The following MAST3 variants were observed in gnomAD, a reference collection of about 807,000 sequenced individuals.
MAST3 encodes the protein microtubule-associated serine/threonine-protein kinase 3.
A neutral mutation model predicts 127.0 loss-of-function variants in MAST3; 43 were observed. That is an observed-to-expected ratio of 0.34 (90% CI 0.27 to 0.44). The LOEUF (loss-of-function observed/expected upper bound fraction) is 0.44, where lower values mean the gene tolerates loss of function less well. MAST3 is among the 20% of genes least tolerant of loss of function. The probability of loss-of-function intolerance (pLI) is 1.00; values close to 1 mark genes in which losing one functional copy is unlikely to be tolerated. For synonymous variants in MAST3, 785 were observed against 809.2 expected (o/e 0.97, Z 0.51); for missense variants, 1,390 against 1,919.1 (o/e 0.72, Z 5.15).
chr19:18,149,372 G>A lies in MAST3; in HGVS notation c.3690G>A (p.Pro1230=), dbSNP rs930967327. 24 of 1,437,768 alleles carry A rather than the reference G, an allele frequency of 1.7e-5. No homozygotes were observed. The highest frequency in any genetic ancestry group is 2.4e-4 in the Middle Eastern group (1 of 4,128). 89.1% of individuals were successfully genotyped at this position (1,437,768 alleles called of 1,614,324 possible). A position where few individuals can be genotyped will look rare whatever the true frequency, so the allele number is the denominator to read the frequency against. ...TCCCGCCCTCCCCGCTGGCCTGCCCGCCCATCTCCGCGCCCCCACCCCGCT... is the reference window on the plus strand; with the variant it reads ...TCCCGCCCTCCCCGCTGGCCTGCCCACCCATCTCCGCGCCCCCACCCCGCT... The part of the protein sequence containing the change: ...SSIPPSPLAC[P]PISAPPPRSP... Residue 1230 remains proline, a synonymous_variant, in exon 28 of 28, where the codon CCG becomes CCA. Transcript: ENST00000687212. The surrounding 1 kb of genome is among the most constrained non-coding windows in gnomAD (Gnocchi z 5.9).
chr19:18,133,395 T>A (rs1186637769), intron 15 of MAST3, among the ~76,000 whole-genome samples: 2 of 152,100 alleles, frequency 1.3e-5, no homozygotes, highest in African/African-American at 2.4e-5. Context: ...TTATTTATTT[T>A]TTGAGACAGG....
intron 2 of MAST3, among the ~76,000 whole-genome samples, chr19:18,108,434 T>C (rs570948306): frequency 6.6e-6 from 1 of 151,798 alleles, no homozygotes; most frequent in East Asian, 1.9e-4. Context: ...AGTGCAGTAG[T>C]GTCATCTTGG....
At chr19:18,130,221 A>G (rs1227734646) in intron 13 of MAST3, among the ~76,000 whole-genome samples, 1 of 152,192 alleles carries the variant, frequency 6.6e-6, no homozygotes, top group Non-Finnish European at 1.5e-5. Context: ...ATCTCAAAAA[A>G]CATAAGATAA....
At chr19:18,136,809 T>TTTG (rs35705741) in intron 18 of MAST3, among the ~76,000 whole-genome samples, 4,757 of 151,292 alleles carry the variant, frequency 0.031, 87 homozygotes, top group African/African-American at 0.046. Flanking sequence ...TTTCTGGTTC[T>TTTG]TTGTTGTTGT....
At chr19:18,100,648 AAAGG>A (rs1481857319) in intron 1 of MAST3, among the ~76,000 whole-genome samples, 1 of 152,226 alleles carries the variant, frequency 6.6e-6, no homozygotes, top group Non-Finnish European at 1.5e-5. Context: ...TCCACTTTTC[AAAGG>A]AAGAAACTGA....
At chr19:18,137,714 C>T (rs999995396) in intron 19 of MAST3, among the ~76,000 whole-genome samples, 2 of 152,092 alleles carry the variant, frequency 1.3e-5, no homozygotes, top group East Asian at 1.9e-4. Flanking sequence ...GAGGGTAGGG[C>T]GCCTAGTGCA....
Position 18,150,067 on chromosome 19 carries a change from A to T in MAST3, c.*341A>T. On this transcript the variant is annotated 3_prime_UTR_variant, in exon 28 of 28. Transcript: ENST00000687212. Reference sequence around the variant, plus strand: ...AGCGGCGTGATCTCAGCTCACTGCAACCTCCGCCTCCCAAGTTCAAGCGAT... The same window carrying T: ...AGCGGCGTGATCTCAGCTCACTGCATCCTCCGCCTCCCAAGTTCAAGCGAT... 4.2e-6 allele frequency: 1 copy of T among 236,868 alleles called. No individual in the cohort carries two copies. Among genetic ancestry groups the T allele is most frequent in the South Asian group, 5.0e-5 (1 of 20,116 alleles). The allele number at this position is 236,868 out of a possible 1,614,324, so 14.7% of individuals were successfully genotyped here. A position where few individuals can be genotyped will look rare whatever the true frequency, so the allele number is the denominator to read the frequency against.
In MAST3 at chr19:18,114,312, C is replaced by G. The variant is rs544250044; in HGVS notation, c.161+3571C>G. 1.3e-3 allele frequency among the ~76,000 whole-genome samples: 205 copies of G among 151,902 alleles called. 1 individual carries two copies. Among genetic ancestry groups the G allele is most frequent in the African/African-American group, 4.6e-3 (189 of 41,366 alleles). On this transcript the variant is annotated intron_variant, in intron 3 of 27. Transcript: ENST00000687212. ...TCAAGTGATTCTCCTGCCTCAGCCT[C>G]GAGAGTAGCTGGGATTACAGACATG... is the stretch of plus-strand genomic sequence containing the variant.
In MAST3 at chr19:18,145,980, C is replaced by T; in HGVS notation, c.3162+115C>T. ...ACAACCCCACATTCAATGTCAACTCCAGGCCTGGCACATCCACTTCCTTCG... is the reference window on the plus strand; with the variant it reads ...ACAACCCCACATTCAATGTCAACTCTAGGCCTGGCACATCCACTTCCTTCG... On this transcript the variant is annotated intron_variant, in intron 25 of 27. Transcript: ENST00000687212. The surrounding 1 kb of genome is among the most constrained non-coding windows in gnomAD (Gnocchi z 5.9). 1 of 1,278,732 alleles carries T rather than the reference C, an allele frequency of 7.8e-7. No individual in the cohort carries two copies. The highest frequency in any genetic ancestry group is 1.0e-6 in the Non-Finnish European group (1 of 959,836). 79.2% of individuals were successfully genotyped at this position (1,278,732 alleles called of 1,614,324 possible). A position where few individuals can be genotyped will look rare whatever the true frequency, so the allele number is the denominator to read the frequency against.
At position 18,123,269 on chromosome 19, in the gene MAST3, C is replaced by T. The variant is rs978196611; in HGVS notation, c.452C>T (p.Pro151Leu). 4.3e-6 allele frequency: 7 copies of T among 1,613,748 alleles called. No homozygotes were observed. Among genetic ancestry groups the T allele is most frequent in the South Asian group, 1.1e-5 (1 of 91,084 alleles). The change falls in exon 7 of 28, where the codon CCG (proline) becomes CTG (leucine). Residue 151 changes from proline (P) to leucine (L), a missense_variant. Around this residue, in one of 5 missense-constraint regions of MAST3, gnomAD observed 277 missense variants for 384.8 expected, o/e 0.72. Transcript: ENST00000687212. ...CACCAGCTTCCCTTCCAGCCGACGC[C>T]GGACGAGCTGCACTTCCTGTCCAAG... ...RLHQLPFQPT[P>L]DELHFLSKHF...
rs1298957749 is a variant in MAST3 at position 18,143,999 on chromosome 19, G to A, written c.2576G>A (p.Ser859Asn). The change falls in exon 22 of 28, where the codon AGC (serine) becomes AAC (asparagine). Residue 859 changes from serine (S) to asparagine (N), a missense_variant. By Grantham distance (46) the Ser-to-Asn change is conservative (BLOSUM62 1). Transcript: ENST00000687212. ...ACCCCAGTGATGCCCAAGCCCTCGA[G>A]CCTTTCTGGTAAGTGGGGCCCTGAG... ...AATPVMPKPSSLSADTAALSH... is the reference protein window; with the variant it reads ...AATPVMPKPSNLSADTAALSH... 6.4e-7 allele frequency: 1 copy of A among 1,565,104 alleles called. No individual in the cohort carries two copies. Among genetic ancestry groups the A allele is most frequent in the Non-Finnish European group, 8.7e-7 (1 of 1,154,694 alleles).
At chr19:18,118,946 A>T (rs1038923665) in intron 3 of MAST3, among the ~76,000 whole-genome samples, 13 of 151,904 alleles carry the variant, frequency 8.6e-5, no homozygotes, top group African/African-American at 3.1e-4. Flanking sequence ...GCTTAAACTT[A>T]CCTCCAAGAT....
In MAST3 at chr19:18,128,947, T is replaced by C. The variant is rs1163808769; in HGVS notation, c.1219T>C (p.Tyr407His). 2 of 1,613,814 alleles carry C rather than the reference T, an allele frequency of 1.2e-6. No individual in the cohort carries two copies. The highest frequency in any genetic ancestry group is 3.3e-5 in the Admixed American group (2 of 60,014). The change falls in exon 13 of 28, where the codon TAT becomes CAT. Residue 407 changes from tyrosine to histidine, a missense_variant. Transcript: ENST00000687212. Reference sequence around the variant, plus strand: ...CATCAAACTCATTAGCAACGGAGCCTATGGGTGAGTCCCTGAGTCCTGCAT... The same window carrying C: ...CATCAAACTCATTAGCAACGGAGCCCATGGGTGAGTCCCTGAGTCCTGCAT... ...ETIKLISNGA[Y>H]GAVYLVRHRD...
intron 2 of MAST3, among the ~76,000 whole-genome samples, chr19:18,109,448 G>C (rs1185461095): frequency 6.6e-6 from 1 of 152,152 alleles, no homozygotes; most frequent in African/African-American, 2.4e-5. Context: ...GGACTGCCGA[G>C]GGCAAAGTCC....
chr19:18,130,752 C>T lies in MAST3; in HGVS notation c.1432+50C>T, dbSNP rs1005349755. ...CTCCAGCGATGGGGAGCTCACCCCT[C>T]CACGCCTGGGAGAAAATTTTTAGAC... On this transcript the variant is annotated intron_variant, in intron 14 of 27. Coordinates refer to ENST00000687212, the MANE Select transcript of MAST3 (RefSeq NM_001393504.1). 5 of 1,565,556 alleles carry T rather than the reference C, an allele frequency of 3.2e-6. No individual in the cohort carries two copies. In the African/African-American group the frequency reaches 4.1e-5, roughly 13 times the overall value.
intron 9 of MAST3, 43 bp from the exon 10 acceptor site, chr19:18,124,222 G>T (rs2040329938): frequency 6.3e-7 from 1 of 1,590,080 alleles, no homozygotes; most frequent in Admixed American, 1.8e-5. Flanking sequence ...AGGCCAGACG[G>T]TGCTGAGGAC....
At chr19:18,143,650 A>G in intron 21 of MAST3, 113 bp from the exon 22 acceptor site, 6 of 1,368,906 alleles carry the variant, frequency 4.4e-6, no homozygotes, top group South Asian at 1.4e-5. Flanking sequence ...CGTCCTGTCT[A>G]TGCAAATTAC....
chr19:18,129,626 T>C (rs1203736626), intron 13 of MAST3, among the ~76,000 whole-genome samples: 2 of 152,044 alleles, frequency 1.3e-5, no homozygotes, highest in Non-Finnish European at 2.9e-5. Flanking sequence ...TGTGTAAAAC[T>C]TTGAGTTTGG....
chr19:18,135,077 G>A (rs977791371), intron 17 of MAST3, 95 bp downstream of exon 17: 58 of 1,441,544 alleles, frequency 4.0e-5, no homozygotes, highest in Non-Finnish European at 4.9e-5. Flanking sequence ...GAAGCAGGAA[G>A]AGGGGAGGGA....
Sources: gnomAD v4.1 joint callset for allele counts (sites outside exome capture counted in the v4.1 genomes callset) on GRCh38, gnomAD v4.1.1 for gene constraint, gnomAD v4.1.1 regional missense constraint, Gnocchi (gnomAD v3.1) non-coding constraint, MANE v1.5 for transcripts, NCBI Gene and HGNC (gene_info 2026-07-23, HGNC 2026-07-21) for gene names.